APBB1IP: variants seen among roughly 807,000 people sequenced by gnomAD.
APBB1IP encodes amyloid beta precursor protein binding family B member 1 interacting protein.
Under a neutral mutation model 64.9 loss-of-function variants are expected in APBB1IP, and 27 were observed. The ratio of observed to expected loss-of-function variants is 0.42; its 90% confidence interval spans 0.31 to 0.57. APBB1IP has a LOEUF of 0.57. APBB1IP is among the 20% of genes least tolerant of loss of function. The pLI is 0.20. For synonymous variants in APBB1IP, 392 were observed against 331.0 expected (o/e 1.18, Z -2.00); for missense variants, 812 against 845.5 (o/e 0.96, Z 0.49).
intron 2 of APBB1IP, among the ~76,000 whole-genome samples, chr10:26,455,043 T>A (rs1835506378): frequency 6.6e-6 from 1 of 152,228 alleles, no homozygotes; most frequent in Non-Finnish European, 1.5e-5. Flanking sequence ...AGAGGCTGTC[T>A]CTGCTGCAGG....
chr10:26,525,960 G>A (rs1016017151), intron 8 of APBB1IP, among the ~76,000 whole-genome samples: 2 of 152,172 alleles, frequency 1.3e-5, no homozygotes, highest in Admixed American at 1.3e-4. Context: ...GTGGGCGCCT[G>A]TCTCACAAGG....
At chr10:26,503,943 G>A (rs1254401126) in intron 6 of APBB1IP, among the ~76,000 whole-genome samples, 1 of 152,156 alleles carries the variant, frequency 6.6e-6, no homozygotes, top group Admixed American at 6.5e-5. Context: ...GTACAGGCAG[G>A]GGCCCTTTCA....
At chr10:26,557,147 A>T (rs1355529632) in intron 11 of APBB1IP, among the ~76,000 whole-genome samples, 1 of 152,206 alleles carries the variant, frequency 6.6e-6, no homozygotes, top group Non-Finnish European at 1.5e-5. Flanking sequence ...TCCAAAGAGG[A>T]TCATTATTGG....
chr10:26,465,922 G>A (rs1199531431), intron 2 of APBB1IP, among the ~76,000 whole-genome samples: 6 of 152,276 alleles, frequency 3.9e-5, no homozygotes, highest in African/African-American at 9.6e-5. Context: ...TCTGCTCAAC[G>A]AACCACCCCA....
At position 26,567,623 on chromosome 10, in the gene APBB1IP, A is replaced by G; in HGVS notation, c.*135A>G. On this transcript the variant is annotated 3_prime_UTR_variant, in exon 15 of 15. Coordinates refer to ENST00000376236, the MANE Select transcript of APBB1IP (RefSeq NM_019043.4). ...AAACTTCTCACTGATGTGCTCAAGT[A>G]CAGGCATAACCATTAACCCAGTAGA... 7.0e-7 allele frequency: 1 copy of G among 1,428,000 alleles called. No homozygotes were observed. 88.5% of individuals were successfully genotyped at this position (1,428,000 alleles called of 1,614,324 possible). A position where few individuals can be genotyped will look rare whatever the true frequency, so the allele number is the denominator to read the frequency against.
chr10:26,496,425 A>G (rs1253720687), intron 4 of APBB1IP, 34 bp downstream of exon 4: 1 of 1,496,200 alleles, frequency 6.7e-7, no homozygotes, highest in Non-Finnish European at 9.3e-7. Flanking sequence ...TAAGTAATTC[A>G]AAATCATAAT....
chr10:26,537,320 C>T (rs1035337750), intron 10 of APBB1IP, among the ~76,000 whole-genome samples: 14 of 152,062 alleles, frequency 9.2e-5, no homozygotes, highest in Non-Finnish European at 1.5e-4. Flanking sequence ...ACTTCCAAGC[C>T]GATGAAATTA....
At chr10:26,476,208 G>A (rs527668488) in intron 2 of APBB1IP, among the ~76,000 whole-genome samples, 6 of 151,824 alleles carry the variant, frequency 4.0e-5, no homozygotes, top group Middle Eastern at 3.4e-3. Flanking sequence ...ACAGATGCCC[G>A]CCACCACGCC....
chr10:26,564,950 G>A (rs906853391), intron 14 of APBB1IP, among the ~76,000 whole-genome samples: 2 of 152,064 alleles, frequency 1.3e-5, no homozygotes, highest in African/African-American at 2.4e-5. Flanking sequence ...GCTTGTAATC[G>A]GCTCCTCCCT....
chr10:26,471,246 G>A (rs1461512166), intron 2 of APBB1IP, among the ~76,000 whole-genome samples: 3 of 152,132 alleles, frequency 2.0e-5, no homozygotes, highest in Non-Finnish European at 4.4e-5. Context: ...AGCTCACCTA[G>A]ATGGCCCCAC....
At chr10:26,495,165 A>G (rs1167392869) in intron 3 of APBB1IP, among the ~76,000 whole-genome samples, 1 of 151,030 alleles carries the variant, frequency 6.6e-6, no homozygotes, top group Non-Finnish European at 1.5e-5. Flanking sequence ...GCACCACCAC[A>G]CCCAGCTAAT....
At chr10:26,560,972 C>G (rs1437294866) in intron 13 of APBB1IP, 128 bp downstream of exon 13, 3 of 530,986 alleles carry the variant, frequency 5.6e-6, no homozygotes, top group Admixed American at 3.8e-5. Context: ...ACCTGATGAT[C>G]AGGCTCAAAC....
chr10:26,493,521 C>A (rs1435451135), intron 3 of APBB1IP, among the ~76,000 whole-genome samples: 2 of 152,154 alleles, frequency 1.3e-5, no homozygotes, highest in African/African-American at 4.8e-5. Context: ...AATTTAAGTT[C>A]TTCTGCCATG....
chr10:26,486,216 C>A (rs1294489995), intron 2 of APBB1IP, among the ~76,000 whole-genome samples: 1 of 152,128 alleles, frequency 6.6e-6, no homozygotes, highest in East Asian at 1.9e-4. Context: ...GATTTTTAAA[C>A]AGGAGAGTGA....
At chr10:26,512,909 C>T (rs750097401) in intron 7 of APBB1IP, among the ~76,000 whole-genome samples, 1 of 152,070 alleles carries the variant, frequency 6.6e-6, no homozygotes, top group African/African-American at 2.4e-5. Flanking sequence ...CTCTTCAATT[C>T]TGTGAGTCAA....
At chr10:26,458,268 G>A (rs1818368034) in intron 2 of APBB1IP, among the ~76,000 whole-genome samples, 1 of 152,086 alleles carries the variant, frequency 6.6e-6, no homozygotes, top group African/African-American at 2.4e-5. Flanking sequence ...TGCACCCTTA[G>A]TCCCAGCTAC....
chr10:26,472,001 C>T (rs1835722910), intron 2 of APBB1IP, among the ~76,000 whole-genome samples: 1 of 152,042 alleles, frequency 6.6e-6, no homozygotes, highest in South Asian at 2.1e-4. Flanking sequence ...CTTATTCATG[C>T]AAACTTTAGC....
chr10:26,522,897 G>A (rs567169520), intron 8 of APBB1IP, among the ~76,000 whole-genome samples: 10 of 151,570 alleles, frequency 6.6e-5, no homozygotes, highest in Non-Finnish European at 1.3e-4. Flanking sequence ...CCAGCTACTC[G>A]GGAGGCTGAG....
At chr10:26,490,378 AT>A (rs1564359150) in intron 2 of APBB1IP, among the ~76,000 whole-genome samples, 1 of 152,192 alleles carries the variant, frequency 6.6e-6, no homozygotes, top group African/African-American at 2.4e-5. Flanking sequence ...TAATCCCAGC[AT>A]TTTGGGAAGC....
Sources: allele counts gnomAD v4.1 joint callset (sites outside exome capture counted in the v4.1 genomes callset), GRCh38; gene constraint gnomAD v4.1.1; transcripts MANE v1.5; gene names NCBI Gene and HGNC (gene_info 2026-07-23, HGNC 2026-07-21).